The following DCAF5 variants were observed in gnomAD, a reference collection of about 807,000 sequenced individuals.
The protein encoded by DCAF5 is DDB1 and CUL4 associated factor 5, also known as DDB1- and CUL4-associated factor 5.
In DCAF5, 9 loss-of-function variants were observed where a neutral mutation model predicts 80.7. That is an observed-to-expected ratio of 0.11 (90% CI 0.07 to 0.19). The LOEUF (loss-of-function observed/expected upper bound fraction) is 0.19, where lower values mean the gene tolerates loss of function less well. Ranked by LOEUF, DCAF5 falls within the 10% of genes least tolerant of loss-of-function variation. The pLI is 1.00. For missense variants in DCAF5, 842 were observed against 1,205.7 expected, an observed-to-expected ratio of 0.70 and a Z score of 4.47; for synonymous variants, 433 against 461.9, an observed-to-expected ratio of 0.94 and a Z score of 0.80.
rs749087823 is a variant in DCAF5, at chr14:69,062,438, T to C, written c.1020A>G (p.Arg340=). ...AGATCATGTAGGTGTGGGGATTAAA[T>C]CGGACTTGGTTAACAATAGATCGAT... The part of the protein sequence containing the change: ...KGHRSIVNQV[R]FNPHTYMICS... Residue 340 remains arginine (R), a synonymous_variant, in exon 8 of 9, where the codon CGA becomes CGG. Coordinates refer to ENST00000341516, the MANE Select transcript of DCAF5 (RefSeq NM_003861.3). 1 of 1,614,086 alleles carries C rather than the reference T, an allele frequency of 6.2e-7. No individual in the cohort carries two copies. Among genetic ancestry groups the C allele is most frequent in the Admixed American group, 1.7e-5 (1 of 60,024 alleles).
intron 1 of DCAF5, among the ~76,000 whole-genome samples, chr14:69,147,502 A>G (rs951341048): frequency 2.0e-5 from 3 of 152,174 alleles, no homozygotes; most frequent in East Asian, 1.9e-4. Context: ...ACAAGAGAGG[A>G]TAAGTGACCT....
chr14:69,144,827 G>A (rs1213398607), intron 1 of DCAF5, among the ~76,000 whole-genome samples: 1 of 152,130 alleles, frequency 6.6e-6, no homozygotes, highest in African/African-American at 2.4e-5. Context: ...GCACCTGCCT[G>A]GGAGCAATGA....
rs2041590940 is a variant in DCAF5, at chr14:69,148,041, CAT to C, written c.214+4722_214+4723del. Among the ~76,000 whole-genome samples, 5 of 138,826 alleles carry C rather than the reference CAT, an allele frequency of 3.6e-5. No homozygotes were observed. In the South Asian group the frequency reaches 6.9e-4, roughly 19 times the overall value. 91.1% of individuals were successfully genotyped at this position (138,826 alleles called of 152,430 possible). A position where few individuals can be genotyped will look rare whatever the true frequency, so the allele number is the denominator to read the frequency against. ...GGAGTAACAATCCAAGTCAAATGCA[CAT>C]AGAGATACATTCTGATTGGTCATCC... On this transcript the variant is annotated intron_variant, in intron 1 of 8. Transcript: ENST00000341516.
At chr14:69,084,408 A>G in intron 6 of DCAF5, 1 of 897,680 alleles carries the variant, frequency 1.1e-6, no homozygotes, top group Non-Finnish European at 1.9e-6. Context: ...GTTGAGTTTG[A>G]AGAGGAATTA....
At position 69,144,196 on chromosome 14, in the gene DCAF5, T is replaced by A. The variant is rs191998695; in HGVS notation, c.214+8569A>T. Among the ~76,000 whole-genome samples, 694 of 152,032 alleles carry A rather than the reference T, an allele frequency of 4.6e-3. 1 individual carries two copies. The highest frequency in any genetic ancestry group is 8.0e-3 in the Non-Finnish European group (544 of 67,982). ...TTTTCCAAGTGGCAAATAAGACATG[T>A]AAAGTGCTTAGCAGAAGGCCTGGCA... On this transcript the variant is annotated intron_variant, in intron 1 of 8. Coordinates refer to ENST00000341516, the MANE Select transcript of DCAF5 (RefSeq NM_003861.3).
intron 5 of DCAF5, among the ~76,000 whole-genome samples, chr14:69,106,981 G>A (rs2040183835): frequency 6.6e-6 from 1 of 152,156 alleles, no homozygotes. Flanking sequence ...GGTGGAAGCT[G>A]CAGTGAGCCG....
At chr14:69,128,755 A>G (rs1444355139) in intron 1 of DCAF5, among the ~76,000 whole-genome samples, 1 of 152,072 alleles carries the variant, frequency 6.6e-6, no homozygotes, top group African/African-American at 2.4e-5. Flanking sequence ...GTAACAGAGC[A>G]AGACTCCATC....
At chr14:69,082,877 T>A (rs550745528) in intron 6 of DCAF5, among the ~76,000 whole-genome samples, 3 of 152,228 alleles carry the variant, frequency 2.0e-5, no homozygotes, top group Non-Finnish European at 4.4e-5. Flanking sequence ...CAGGTTATAC[T>A]CTGTTCCCCT....
At chr14:69,148,114 A>C (rs1278292487) in intron 1 of DCAF5, among the ~76,000 whole-genome samples, 2 of 152,058 alleles carry the variant, frequency 1.3e-5, no homozygotes, top group Non-Finnish European at 1.5e-5. Flanking sequence ...AAAAAAAAAA[A>C]AAAAAAACTT....
rs1270734002 is a variant in DCAF5 at position 69,051,659 on chromosome 14, G to A, written c.*2198C>T. The A allele has an allele frequency of 6.6e-6, 1 of 152,242 alleles. No homozygotes were observed. The highest frequency in any genetic ancestry group is 2.4e-5 in the African/African-American group (1 of 41,432). The allele number at this position is 152,242 out of a possible 1,614,324, so 9.4% of individuals were successfully genotyped here. The stretch of plus-strand genomic sequence containing the variant: ...CATGAAAAGACCAAGTTCTGCATTT[G>A]GGAATTGTAACTACCAAGTAGCTAG... On this transcript the variant is annotated 3_prime_UTR_variant, in exon 9 of 9. Coordinates refer to ENST00000341516, the MANE Select transcript of DCAF5 (RefSeq NM_003861.3).
chr14:69,060,516 C>T (rs1308844895), intron 8 of DCAF5, among the ~76,000 whole-genome samples: 1 of 151,914 alleles, frequency 6.6e-6, no homozygotes, highest in African/African-American at 2.4e-5. Flanking sequence ...AAATACTGAC[C>T]TACATGCCAA....
intron 5 of DCAF5, among the ~76,000 whole-genome samples, chr14:69,093,524 C>CT (rs1005030528): frequency 6.6e-5 from 10 of 152,066 alleles, no homozygotes; most frequent in African/African-American, 2.2e-4. Context: ...AACACATTTT[C>CT]TTTTTTTGCC....
Position 69,054,290 on chromosome 14 carries a change from T to C in DCAF5, c.2396A>G (p.Lys799Arg). Residue 799 changes from lysine to arginine, a missense_variant, in exon 9 of 9, where the codon AAG becomes AGG. By Grantham distance (26) the Lys-to-Arg change is conservative (BLOSUM62 2). Transcript: ENST00000341516. ...AEEPPSPPVP[K>R]ASGSTLNSGS... is the part of the protein sequence containing the mutation. ...GCTGTTGAGAGTGGAGCCAGATGCC[T>C]TGGGGACAGGAGGAGAAGGCGGCTC... 1 of 1,614,216 alleles carries C rather than the reference T, an allele frequency of 6.2e-7. No homozygotes were observed. Among genetic ancestry groups the C allele is most frequent in the Admixed American group, 1.7e-5 (1 of 60,032 alleles).
At chr14:69,114,148 C>T (rs1260148664) in intron 5 of DCAF5, among the ~76,000 whole-genome samples, 1 of 152,164 alleles carries the variant, frequency 6.6e-6, no homozygotes, top group African/African-American at 2.4e-5. Context: ...TAAGTTAGTA[C>T]AGCCTTTGGT....
At chr14:69,121,993 A>G (rs577895306) in intron 2 of DCAF5, among the ~76,000 whole-genome samples, 94 of 152,238 alleles carry the variant, frequency 6.2e-4, no homozygotes, top group African/African-American at 2.1e-3. Context: ...AAAGAGAAAT[A>G]AAGAAAAAGA....
intron 7 of DCAF5, among the ~76,000 whole-genome samples, chr14:69,073,550 G>A (rs1437144271): frequency 6.6e-6 from 1 of 151,810 alleles, no homozygotes; most frequent in South Asian, 2.1e-4. Flanking sequence ...CACTTTGGGA[G>A]GCTAAGGTGG....
chr14:69,142,142 T>A (rs983160908), intron 1 of DCAF5, among the ~76,000 whole-genome samples: 24 of 152,136 alleles, frequency 1.6e-4, no homozygotes, highest in Admixed American at 3.3e-4. Context: ...AAAAAAAAAT[T>A]TTTTTTAATT....
intron 6 of DCAF5, among the ~76,000 whole-genome samples, chr14:69,081,268 CAT>C (rs1422826919): frequency 1.3e-5 from 2 of 152,080 alleles, no homozygotes; most frequent in African/African-American, 4.8e-5. Context: ...GTAGGAGATC[CAT>C]AGACTACAAT....
intron 5 of DCAF5, among the ~76,000 whole-genome samples, chr14:69,112,763 C>T (rs186255786): frequency 1.3e-5 from 2 of 152,132 alleles, no homozygotes; most frequent in East Asian, 1.9e-4. Flanking sequence ...TCCGATGGCA[C>T]GTAATGCTTA....
Sources: allele counts gnomAD v4.1 joint callset (sites outside exome capture counted in the v4.1 genomes callset), GRCh38; gene constraint gnomAD v4.1.1; transcripts MANE v1.5; gene names NCBI Gene and HGNC (gene_info 2026-07-23, HGNC 2026-07-21).